The following LGSN variants were observed in gnomAD, a reference collection of about 807,000 sequenced individuals.
LGSN encodes lengsin.
LGSN carries 21 observed loss-of-function variants against 19.5 expected under a neutral mutation model. The ratio of observed to expected loss-of-function variants is 1.07; its 90% CI spans 0.76 to 1.55. The LOEUF (loss-of-function observed/expected upper bound fraction) is 1.55. LGSN is among the 40% of genes most tolerant of loss of function. LGSN has a pLI of 0.00. For synonymous variants in LGSN, 257 were observed against 215.6 expected (o/e 1.19, Z -1.68); for missense variants, 673 against 608.5 (o/e 1.11, Z -1.12).
At chr6:63,358,846 C>T in the LGSN span, among the ~76,000 whole-genome samples, 1 of 152,132 alleles carries the variant, frequency 6.6e-6, no homozygotes, top group African/African-American at 2.4e-5. Flanking sequence ...CCTGAGTGCC[C>T]TGTCCAGAAC....
chr6:63,492,655 C>T, the LGSN span, among the ~76,000 whole-genome samples: 1 of 152,222 alleles, frequency 6.6e-6, no homozygotes, highest in African/African-American at 2.4e-5. Flanking sequence ...GCAGCCTTGA[C>T]ATTTAAGGCA....
chr6:63,345,834 A>G, the LGSN span, among the ~76,000 whole-genome samples: 4 of 152,178 alleles, frequency 2.6e-5, no homozygotes, highest in Non-Finnish European at 2.9e-5. Flanking sequence ...TGGGCCAACC[A>G]ACACTCTTTG....
chr6:63,506,968 TAGA>T, the LGSN span, among the ~76,000 whole-genome samples: 1 of 151,756 alleles, frequency 6.6e-6, no homozygotes, highest in Admixed American at 6.6e-5. Flanking sequence ...AGTGAGGGAG[TAGA>T]AGAATGAGGA....
the LGSN span, among the ~76,000 whole-genome samples, chr6:63,499,050 G>A: frequency 6.6e-6 from 1 of 152,086 alleles, no homozygotes; most frequent in South Asian, 2.1e-4. Flanking sequence ...TTAGAAAAAT[G>A]TATAAAAGTC....
the LGSN span, among the ~76,000 whole-genome samples, chr6:63,531,637 G>A: frequency 8.0e-5 from 12 of 149,798 alleles, no homozygotes; most frequent in South Asian, 2.1e-4. Context: ...CTATAGGCAC[G>A]AGCCACCATG....
chr6:63,559,799 A>G, the LGSN span, among the ~76,000 whole-genome samples: 1 of 152,082 alleles, frequency 6.6e-6, no homozygotes. Context: ...TCATGCATAT[A>G]ATACTAGCAC....
chr6:63,326,296 T>C, the LGSN span, among the ~76,000 whole-genome samples: 1 of 152,020 alleles, frequency 6.6e-6, no homozygotes, highest in Non-Finnish European at 1.5e-5. Context: ...TTGAGCTAGA[T>C]ACAGAGTGCC....
the LGSN span, among the ~76,000 whole-genome samples, chr6:63,415,825 G>A: frequency 2.6e-5 from 4 of 152,190 alleles, no homozygotes; most frequent in African/African-American, 7.2e-5. Context: ...ATTTTCATTC[G>A]GTACTCCCAT....
At chr6:63,524,946 AC>A in the LGSN span, among the ~76,000 whole-genome samples, 7 of 152,330 alleles carry the variant, frequency 4.6e-5, no homozygotes, top group East Asian at 1.3e-3. Flanking sequence ...TTATGAAAAA[AC>A]TTAAGAAAGT....
At chr6:63,462,291 A>G in the LGSN span, among the ~76,000 whole-genome samples, 5 of 152,188 alleles carry the variant, frequency 3.3e-5, no homozygotes, top group African/African-American at 1.2e-4. Context: ...ACCTAGTGTC[A>G]GGAAATAATA....
chr6:63,451,756 T>C, the LGSN span, among the ~76,000 whole-genome samples: 1 of 151,664 alleles, frequency 6.6e-6, no homozygotes. Flanking sequence ...AAAATAAAAA[T>C]TAATTAAAAA....
the LGSN span, among the ~76,000 whole-genome samples, chr6:63,533,855 A>AATTT: frequency 2.6e-5 from 4 of 151,694 alleles, no homozygotes; most frequent in Non-Finnish European, 2.9e-5. Flanking sequence ...TTAATTAATT[A>AATTT]ATTTTTGAGG....
At chr6:63,293,020 T>G (rs1767837034) in intron 2 of LGSN, among the ~76,000 whole-genome samples, 1 of 152,058 alleles carries the variant, frequency 6.6e-6, no homozygotes, top group African/African-American at 2.4e-5. Context: ...CAGAGTGGGG[T>G]AGGGGGGTAA....
At chr6:63,429,158 A>G in the LGSN span, among the ~76,000 whole-genome samples, 2 of 152,314 alleles carry the variant, frequency 1.3e-5, no homozygotes, top group African/African-American at 4.8e-5. Context: ...ACAATTAACA[A>G]GCAGGTATTA....
chr6:63,467,746 C>A, the LGSN span, among the ~76,000 whole-genome samples: 4 of 152,176 alleles, frequency 2.6e-5, no homozygotes, highest in Non-Finnish European at 5.9e-5. Context: ...GGCTGCAGTG[C>A]GGTGGCGTGA....
chr6:63,280,455 G>C lies in LGSN; in HGVS notation c.1096C>G (p.Arg366Gly). The change falls in exon 4 of 4, where the codon CGA becomes GGA. Residue 366 changes from arginine to glycine, a missense_variant. Coordinates refer to ENST00000370657, the MANE Select transcript of LGSN (RefSeq NM_016571.3). ...TTCCTGTCCTTGGAATAACGCTTTC[G>C]GCAGCTAACAGAAGGCGCCATCAGG... ...SCLMAPSVSCRKRYSKDRKDL... is the reference protein window; with the variant it reads ...SCLMAPSVSCGKRYSKDRKDL... The C allele has an allele frequency of 6.2e-6, 10 of 1,614,092 alleles. No homozygotes were observed. The highest frequency in any genetic ancestry group is 8.5e-6 in the Non-Finnish European group (10 of 1,180,024).
chr6:63,376,906 T>C, the LGSN span, among the ~76,000 whole-genome samples: 1 of 152,334 alleles, frequency 6.6e-6, no homozygotes, highest in African/African-American at 2.4e-5. Flanking sequence ...TGAGTGTTCC[T>C]AGGCTTCCAA....
intron 1 of LGSN, among the ~76,000 whole-genome samples, chr6:63,318,569 G>A (rs1190054545): frequency 1.3e-5 from 2 of 152,092 alleles, no homozygotes; most frequent in African/African-American, 4.8e-5. Context: ...CAACTTTGAG[G>A]GAACTTTTCC....
the LGSN span, among the ~76,000 whole-genome samples, chr6:63,541,660 C>T: frequency 6.6e-6 from 1 of 152,104 alleles, no homozygotes; most frequent in Non-Finnish European, 1.5e-5. Flanking sequence ...ATGAACTTAC[C>T]ATATATTTCA....
Sources: allele counts gnomAD v4.1 joint callset (sites outside exome capture counted in the v4.1 genomes callset), GRCh38; gene constraint gnomAD v4.1.1; transcripts MANE v1.5; gene names NCBI Gene and HGNC (gene_info 2026-07-23, HGNC 2026-07-21).